Variants in FARP2 observed in about 807,000 individuals in gnomAD.
The protein encoded by FARP2 is FERM, ARH/RhoGEF and pleckstrin domain protein 2.
In FARP2, 111 loss-of-function variants were observed where a neutral mutation model predicts 130.5. The ratio of observed to expected loss-of-function variants is 0.85; its 90% CI spans 0.73 to 1.00. FARP2 has a LOEUF of 1.00. FARP2 is among the 50% of genes least tolerant of loss of function. FARP2 has a pLI of 0.00. For missense variants in FARP2, 1,385 were observed against 1,346.3 expected (o/e 1.03, Z -0.45); for synonymous variants, 504 against 516.9 (o/e 0.98, Z 0.34).
rs2062396408 is a variant in FARP2 at position 241,407,589 on chromosome 2, T to C, written c.384T>C (p.Pro128=). The C allele has an allele frequency of 1.2e-6, 2 of 1,613,926 alleles. No individual in the cohort carries two copies. The highest frequency in any genetic ancestry group is 2.7e-5 in the African/African-American group (2 of 74,940). ...CTGTAAAATTTTTTCCACCTGATCCTGGTCAGCTACAAGAAGAATATACAA... is the reference window on the plus strand; with the variant it reads ...CTGTAAAATTTTTTCCACCTGATCCCGGTCAGCTACAAGAAGAATATACAA... ...RLAVKFFPPD[P]GQLQEEYTRY... The change falls in exon 5 of 27, where the codon CCT becomes CCC. Residue 128 remains proline, a synonymous_variant. Transcript: ENST00000264042.
intron 1 of FARP2, among the ~76,000 whole-genome samples, chr2:241,372,024 A>T (rs1047239121): frequency 2.6e-5 from 4 of 152,084 alleles, no homozygotes; most frequent in African/African-American, 7.2e-5. Context: ...AATCTGTTTT[A>T]AAAAATATAT....
chr2:241,368,855 A>G (rs2061368893), intron 1 of FARP2, among the ~76,000 whole-genome samples: 1 of 152,174 alleles, frequency 6.6e-6, no homozygotes, highest in Non-Finnish European at 1.5e-5. Context: ...ATTTAGTGTT[A>G]AAGTCTTAAA....
At chr2:241,480,368 C>G (rs1270867609) in intron 19 of FARP2, among the ~76,000 whole-genome samples, 1 of 152,162 alleles carries the variant, frequency 6.6e-6, no homozygotes, top group African/African-American at 2.4e-5. Context: ...TTTATAAAAG[C>G]CTTTCTAGAG....
chr2:241,381,963 C>T (rs2061671750), intron 2 of FARP2, among the ~76,000 whole-genome samples: 1 of 152,150 alleles, frequency 6.6e-6, no homozygotes, highest in South Asian at 2.1e-4. Flanking sequence ...CAAGGTTCCT[C>T]ATGCTTCTTT....
At chr2:241,423,825 A>G (rs1233236426) in intron 8 of FARP2, among the ~76,000 whole-genome samples, 1 of 152,178 alleles carries the variant, frequency 6.6e-6, no homozygotes, top group Admixed American at 6.5e-5. Context: ...AGTTTCTGAC[A>G]GAACAGACTT....
At chr2:241,382,746 A>T (rs1161604458) in intron 2 of FARP2, among the ~76,000 whole-genome samples, 1 of 152,206 alleles carries the variant, frequency 6.6e-6, no homozygotes, top group Non-Finnish European at 1.5e-5. Flanking sequence ...CCAGTGGTAT[A>T]TGCAGGTGTT....
intron 2 of FARP2, among the ~76,000 whole-genome samples, chr2:241,400,892 A>G (rs1239984140): frequency 2.6e-5 from 4 of 151,964 alleles, no homozygotes; most frequent in African/African-American, 9.7e-5. Flanking sequence ...TGACTAGTTA[A>G]CAGTCTCAGA....
At chr2:241,377,343 T>C (rs2150307784) in intron 2 of FARP2, among the ~76,000 whole-genome samples, 2 of 150,298 alleles carry the variant, frequency 1.3e-5, no homozygotes, top group East Asian at 3.9e-4. Context: ...CTTTTTTTTT[T>C]TTTTTTTTTG....
At chr2:241,420,859 A>G (rs1311028609) in intron 8 of FARP2, among the ~76,000 whole-genome samples, 2 of 152,216 alleles carry the variant, frequency 1.3e-5, no homozygotes, top group East Asian at 1.9e-4. Flanking sequence ...AAGCACAGAT[A>G]TTTAAAATTA....
chr2:241,385,592 C>T (rs1257152192), intron 2 of FARP2, among the ~76,000 whole-genome samples: 4 of 151,986 alleles, frequency 2.6e-5, no homozygotes, highest in East Asian at 1.9e-4. Flanking sequence ...TGGTGGCTCA[C>T]GCCTGTAGTC....
At chr2:241,404,117 TTC>T (rs981520012) in intron 3 of FARP2, among the ~76,000 whole-genome samples, 185 bp downstream of exon 3, 1 of 152,220 alleles carries the variant, frequency 6.6e-6, no homozygotes, top group African/African-American at 2.4e-5. Context: ...CCTAAATGTG[TTC>T]TGTTTGTTAG....
intron 24 of FARP2, among the ~76,000 whole-genome samples, chr2:241,491,938 G>A (rs975021234): frequency 1.3e-5 from 2 of 152,198 alleles, no homozygotes; most frequent in African/African-American, 4.8e-5. Flanking sequence ...TGGAGCTGGT[G>A]TGTAGTGGAG....
intron 13 of FARP2, chr2:241,441,839 T>C: frequency 7.5e-6 from 4 of 531,872 alleles, no homozygotes; most frequent in Non-Finnish European, 6.8e-6. Context: ...GACATCTCCT[T>C]CTTTGCTGGA....
rs1030035640 is a variant in FARP2 at position 241,459,638 on chromosome 2, C to T, written c.1587+2716C>T. Among the ~76,000 whole-genome samples, 1 of 152,192 alleles carries T rather than the reference C, an allele frequency of 6.6e-6. No individual in the cohort carries two copies. The highest frequency in any genetic ancestry group is 2.4e-5 in the African/African-American group (1 of 41,456). On this transcript the variant is annotated intron_variant, in intron 14 of 26. Transcript: ENST00000264042. This position sits in a 1 kb window ranked among gnomAD's most constrained non-coding sequence, Gnocchi z 5.3. ...AGACCCTTCATGTGGGGACAGGTGG[C>T]GAAGCTCACAGGAATTGCATGCTCC... is the stretch of plus-strand genomic sequence containing the variant.
At chr2:241,406,576 A>G (rs572534057) in intron 4 of FARP2, among the ~76,000 whole-genome samples, 1 of 151,028 alleles carries the variant, frequency 6.6e-6, no homozygotes, top group East Asian at 2.0e-4. Flanking sequence ...CCTCCCAAGT[A>G]GCTGGAACTT....
intron 2 of FARP2, among the ~76,000 whole-genome samples, chr2:241,385,666 G>A (rs931409175): frequency 3.9e-5 from 6 of 152,070 alleles, no homozygotes; most frequent in African/African-American, 1.4e-4. Context: ...GTTGCAGTGA[G>A]CCGTGATTGC....
Position 241,407,608 on chromosome 2 carries a change from T to C in FARP2, c.403T>C (p.Tyr135His). Residue 135 changes from tyrosine (Y) to histidine (H), a missense_variant, in exon 5 of 27, where the codon TAT becomes CAT. By Grantham distance (83) the Tyr-to-His change is moderately conservative (BLOSUM62 2). Coordinates refer to ENST00000264042, the MANE Select transcript of FARP2 (RefSeq NM_014808.4). The part of the protein sequence containing the change: ...PPDPGQLQEE[Y>H]TRYLFALQLK... ...TGATCCTGGTCAGCTACAAGAAGAATATACAAGGTAAAGAGCTCACAGAGC... is the reference window on the plus strand; with the variant it reads ...TGATCCTGGTCAGCTACAAGAAGAACATACAAGGTAAAGAGCTCACAGAGC... 1 of 1,613,134 alleles carries C rather than the reference T, an allele frequency of 6.2e-7. No individual in the cohort carries two copies. Among genetic ancestry groups the C allele is most frequent in the Non-Finnish European group, 8.5e-7 (1 of 1,179,052 alleles).
Position 241,491,128 on chromosome 2 carries a change from G to A in FARP2, c.2572G>A (p.Gly858Ser), listed in dbSNP as rs769454846. The stretch of plus-strand genomic sequence containing the variant: ...CGCGATCCAAGCAGCCAAGAGTGGC[G>A]GTGACACGGCCCCTGCACTGCCAGG... ...NSAIQAAKSG[G>S]DTAPALPGRT... is the part of the protein sequence containing the mutation. Residue 858 changes from glycine (G) to serine (S), a missense_variant, in exon 23 of 27, where the codon GGT (glycine) becomes AGT (serine). Physicochemically the swap from Gly to Ser is moderately conservative, Grantham distance 56. Transcript: ENST00000264042. 25 of 1,613,192 alleles carry A rather than the reference G, an allele frequency of 1.5e-5. No individual in the cohort carries two copies. Among genetic ancestry groups the A allele is most frequent in the Middle Eastern group, 1.6e-4 (1 of 6,082 alleles).
In FARP2 at chr2:241,482,687, G is replaced by A. The variant is rs1049474005; in HGVS notation, c.2263-778G>A. On this transcript the variant is annotated intron_variant, in intron 19 of 26. Coordinates refer to ENST00000264042, the MANE Select transcript of FARP2 (RefSeq NM_014808.4). This position sits in a 1 kb window ranked among gnomAD's most constrained non-coding sequence, Gnocchi z 4.6. ...AGTGTGCTCCTCCTTCTGCCTTCAC[G>A]CAGTATGTTGGGACTGCTCATACTA... Among the ~76,000 whole-genome samples the A allele has an allele frequency of 2.0e-5, 3 of 152,090 alleles. No individual in the cohort carries two copies. Among genetic ancestry groups the A allele is most frequent in the African/African-American group, 7.2e-5 (3 of 41,404 alleles).
Sources: gnomAD v4.1 joint callset for allele counts (sites outside exome capture counted in the v4.1 genomes callset) on GRCh38, gnomAD v4.1.1 for gene constraint, Gnocchi (gnomAD v3.1) non-coding constraint, MANE v1.5 for transcripts, NCBI Gene and HGNC (gene_info 2026-07-23, HGNC 2026-07-21) for gene names.